ADAM12: variants seen among roughly 807,000 people sequenced by gnomAD.
The protein encoded by ADAM12 is disintegrin and metalloproteinase domain-containing protein 12.
Under a neutral mutation model 106.4 loss-of-function variants are expected in ADAM12, and 70 were observed. The observed-to-expected ratio is 0.66, with a 90% CI of 0.54 to 0.80. ADAM12 has a LOEUF of 0.80. Ranked by LOEUF, ADAM12 falls within the 30% of genes least tolerant of loss-of-function variation. The pLI is 0.00. For missense variants in ADAM12, 1,010 were observed against 1,171.9 expected (o/e 0.86, Z 2.02); for synonymous variants, 420 against 433.5 (o/e 0.97, Z 0.39).
chr10:126,046,070 C>G lies in ADAM12; in HGVS notation c.1980G>C (p.Gln660His). The change falls in exon 17 of 23, where the codon CAG (glutamine) becomes CAC (histidine). Residue 660 changes from glutamine to histidine, a missense_variant. By Grantham distance (24) the Gln-to-His change is conservative. Coordinates refer to ENST00000448723, the MANE Select transcript of ADAM12 (RefSeq NM_001288973.2). ...GCCTACTCACCCCTCTGCCGTGGCA[C>G]TGCATTGCACACTCGTGAACCCCAA... ...SVFGVHECAMQCHGRGVCNNR... is the reference protein window; with the variant it reads ...SVFGVHECAMHCHGRGVCNNR... 6.2e-7 allele frequency: 1 copy of G among 1,614,198 alleles called. No individual in the cohort carries two copies. The highest frequency in any genetic ancestry group is 1.1e-5 in the South Asian group (1 of 91,086).
chr10:126,093,310 C>T (rs920959488), intron 11 of ADAM12, among the ~76,000 whole-genome samples: 6 of 152,178 alleles, frequency 3.9e-5, no homozygotes, highest in Admixed American at 1.3e-4. Flanking sequence ...GTTTCCACTT[C>T]GTTTGAACAC....
chr10:126,019,852 G>T, intron 21 of ADAM12, 27 bp from the exon 22 acceptor site: 13 of 1,597,968 alleles, frequency 8.1e-6, no homozygotes, highest in Non-Finnish European at 1.1e-5. Context: ...GTTAGGCAGG[G>T]TCACTTACCA....
intron 5 of ADAM12, among the ~76,000 whole-genome samples, chr10:126,124,049 G>A (rs1030967607): frequency 2.6e-5 from 4 of 152,064 alleles, no homozygotes; most frequent in African/African-American, 2.4e-5. Context: ...CCAAAGCCAC[G>A]ATGCAGCAGG....
chr10:126,100,785 A>T (rs182267287), intron 9 of ADAM12, among the ~76,000 whole-genome samples: 2 of 152,294 alleles, frequency 1.3e-5, no homozygotes, highest in East Asian at 3.9e-4. Flanking sequence ...TCACAGCTAA[A>T]ATCAGAAAAA....
At chr10:126,211,891 C>T (rs1257042403) in intron 3 of ADAM12, among the ~76,000 whole-genome samples, 1 of 152,194 alleles carries the variant, frequency 6.6e-6, no homozygotes, top group Admixed American at 6.5e-5. Flanking sequence ...ACCCTCTGTG[C>T]TTCAGTTATT....
intron 3 of ADAM12, among the ~76,000 whole-genome samples, chr10:126,211,513 T>A (rs1260459352): frequency 1.3e-5 from 2 of 151,584 alleles, no homozygotes. Flanking sequence ...ATCCTCGACC[T>A]GCCAGTAGCC....
At chr10:126,361,732 A>G (rs1054705817) in intron 1 of ADAM12, among the ~76,000 whole-genome samples, 6 of 152,210 alleles carry the variant, frequency 3.9e-5, no homozygotes, top group African/African-American at 1.4e-4. Flanking sequence ...CTGGATAATC[A>G]TAGGCAGTAG....
chr10:126,191,814 G>A (rs1590594662), intron 3 of ADAM12, among the ~76,000 whole-genome samples: 2 of 152,122 alleles, frequency 1.3e-5, no homozygotes, highest in South Asian at 4.2e-4. Flanking sequence ...ATAAAGAAAT[G>A]CCTGAGACTG....
chr10:126,017,925 C>T (rs377724674), intron 22 of ADAM12, among the ~76,000 whole-genome samples: 76 of 152,304 alleles, frequency 5.0e-4, no homozygotes, highest in African/African-American at 1.8e-3. Flanking sequence ...AGGGCTTCCC[C>T]TCATTGTTTT....
At chr10:126,387,422 T>TTCCGCTGGAGGGAGAAC (rs1856701969) in intron 1 of ADAM12, among the ~76,000 whole-genome samples, 2 of 151,960 alleles carry the variant, frequency 1.3e-5, no homozygotes, top group Non-Finnish European at 2.9e-5. Flanking sequence ...GGAGGGAGAA[T>TTCCGCTGGAGGGAGAAC]TCCGCTAAAG....
chr10:126,123,528 G>C (rs2133640140), intron 5 of ADAM12, among the ~76,000 whole-genome samples: 1 of 152,340 alleles, frequency 6.6e-6, no homozygotes, highest in Admixed American at 6.5e-5. Context: ...CTGGGGCAGA[G>C]AGAAGGGGGT....
chr10:126,074,905 C>T (rs1955069617), intron 11 of ADAM12, among the ~76,000 whole-genome samples: 1 of 152,210 alleles, frequency 6.6e-6, no homozygotes, highest in South Asian at 2.1e-4. Context: ...TGCCGCCTGC[C>T]TTCCAGGTCA....
chr10:126,108,281 A>G (rs1955811093), intron 8 of ADAM12, among the ~76,000 whole-genome samples: 1 of 152,182 alleles, frequency 6.6e-6, no homozygotes, highest in Non-Finnish European at 1.5e-5. Flanking sequence ...CCAAAGGATC[A>G]GGTGAACTCT....
intron 1 of ADAM12, among the ~76,000 whole-genome samples, chr10:126,342,118 T>G (rs1564744394): frequency 6.6e-6 from 1 of 152,162 alleles, no homozygotes; most frequent in Non-Finnish European, 1.5e-5. Context: ...GGGATGACTG[T>G]GGCTTGGGCA....
Position 126,031,079 on chromosome 10 carries a change from A to AG in ADAM12, c.2529+5066dup, listed in dbSNP as rs1953963849. Among the ~76,000 whole-genome samples the AG allele has an allele frequency of 3.9e-5, 6 of 152,226 alleles. No individual in the cohort carries two copies. The South Asian group carries it at 1.2e-3, about 32-fold the overall frequency. ...GGCAGCAGGTGATCAGAGGTCCTGG[A>AG]GGGAGGACTGTGGAGAGGTCTTAGG... On this transcript the variant is annotated intron_variant, in intron 21 of 22. Transcript: ENST00000448723.
intron 10 of ADAM12, among the ~76,000 whole-genome samples, chr10:126,097,372 T>A (rs1185172462): frequency 6.6e-6 from 1 of 152,194 alleles, no homozygotes; most frequent in Non-Finnish European, 1.5e-5. Flanking sequence ...GGGCAATCCC[T>A]CCACGCAGCT....
At chr10:126,075,765 C>T (rs1333030590) in intron 11 of ADAM12, among the ~76,000 whole-genome samples, 1 of 152,104 alleles carries the variant, frequency 6.6e-6, no homozygotes, top group Non-Finnish European at 1.5e-5. Context: ...GCTCTTCCTG[C>T]AGACACACAC....
chr10:126,073,526 G>A (rs1026714604), intron 11 of ADAM12, among the ~76,000 whole-genome samples: 5 of 150,378 alleles, frequency 3.3e-5, no homozygotes, highest in South Asian at 2.2e-4. Context: ...TCTCCACAGG[G>A]AGTCTTTTGA....
In ADAM12 at chr10:126,182,068, C is replaced by G. The variant is rs533697760; in HGVS notation, c.261-26763G>C. The stretch of plus-strand genomic sequence containing the variant: ...ATGGAAGTTCACCCTCACACAGCAC[C>G]GGCAACGCAGTGCATCCCAGGAAGT... On this transcript the variant is annotated intron_variant, in intron 3 of 22. Transcript: ENST00000448723. 2.5e-3 allele frequency among the ~76,000 whole-genome samples: 377 copies of G among 152,328 alleles called. 2 individuals are homozygous for G. The highest frequency in any genetic ancestry group is 8.9e-3 in the African/African-American group (368 of 41,580).
Sources: allele counts gnomAD v4.1 joint callset (sites outside exome capture counted in the v4.1 genomes callset), GRCh38; gene constraint gnomAD v4.1.1; transcripts MANE v1.5; gene names NCBI Gene and HGNC (gene_info 2026-07-23, HGNC 2026-07-21).